PRKCQ: variants seen among roughly 807,000 people sequenced by gnomAD.
PRKCQ encodes the protein protein kinase C theta.
PRKCQ carries 41 observed loss-of-function variants against 91.2 expected under a neutral mutation model. The observed-to-expected ratio is 0.45, with a 90% CI of 0.35 to 0.58. The LOEUF (loss-of-function observed/expected upper bound fraction) is 0.58. Ranked by LOEUF, PRKCQ falls within the 20% of genes least tolerant of loss-of-function variation. PRKCQ has a pLI of 0.00. For synonymous variants in PRKCQ, 307 were observed against 316.9 expected, an observed-to-expected ratio of 0.97 and a Z score of 0.33; for missense variants, 673 against 896.5, an observed-to-expected ratio of 0.75 and a Z score of 3.18.
chr10:6,443,605 T>C (rs1304806112), intron 15 of PRKCQ, among the ~76,000 whole-genome samples: 2 of 152,146 alleles, frequency 1.3e-5, no homozygotes, highest in Non-Finnish European at 2.9e-5. Context: ...CGTAAACACG[T>C]TGAACTCATA....
chr10:6,571,744 C>CA (rs1232491678), intron 1 of PRKCQ, among the ~76,000 whole-genome samples: 1 of 152,158 alleles, frequency 6.6e-6, no homozygotes, highest in African/African-American at 2.4e-5. Context: ...GCAGATGTTG[C>CA]AGTGAGCCGA....
the PRKCQ span, among the ~76,000 whole-genome samples, chr10:6,399,196 C>G: frequency 6.6e-6 from 1 of 152,150 alleles, no homozygotes; most frequent in African/African-American, 2.4e-5. Context: ...CATAGTGTCC[C>G]CACAAGTAAA....
intron 7 of PRKCQ, among the ~76,000 whole-genome samples, chr10:6,493,646 T>C (rs1307901029): frequency 1.3e-5 from 2 of 152,152 alleles, no homozygotes; most frequent in African/African-American, 2.4e-5. Flanking sequence ...GATTCAGAGA[T>C]TTGCGTTTTT....
intron 1 of PRKCQ, among the ~76,000 whole-genome samples, chr10:6,547,237 A>G (rs1839997713): frequency 6.6e-6 from 1 of 152,190 alleles, no homozygotes; most frequent in South Asian, 2.1e-4. Context: ...AAAAGAGGAT[A>G]CAAACAAATG....
At chr10:6,426,138 C>A (rs933679012), downstream of PRKCQ, among the ~76,000 whole-genome samples, 1 of 152,200 alleles carries the variant, frequency 6.6e-6, no homozygotes, top group South Asian at 2.1e-4. Flanking sequence ...GATTTAGAAC[C>A]AGAAAGCGCT....
intron 1 of PRKCQ, among the ~76,000 whole-genome samples, chr10:6,526,597 G>A (rs1030994929): frequency 5.9e-5 from 9 of 152,112 alleles, no homozygotes; most frequent in Non-Finnish European, 1.0e-4. Flanking sequence ...GCAGGTGAAC[G>A]TTCCCGGCCG....
chr10:6,495,609 T>C (rs564909253), intron 7 of PRKCQ, among the ~76,000 whole-genome samples: 2 of 152,370 alleles, frequency 1.3e-5, no homozygotes, highest in Non-Finnish European at 2.9e-5. Context: ...CATAGCTGTT[T>C]ATTATCTGTT....
At chr10:6,431,833 C>T (rs908202100) in intron 16 of PRKCQ, among the ~76,000 whole-genome samples, 11 of 152,170 alleles carry the variant, frequency 7.2e-5, no homozygotes, top group African/African-American at 2.7e-4. Flanking sequence ...AATTCAAGGT[C>T]CATCTAATAA....
chr10:6,404,711 TTC>T, the PRKCQ span, among the ~76,000 whole-genome samples: 28 of 148,358 alleles, frequency 1.9e-4, no homozygotes, highest in African/African-American at 4.5e-4. Context: ...TTTTCTTTCT[TTC>T]TCTCTCTCTC....
intron 1 of PRKCQ, among the ~76,000 whole-genome samples, chr10:6,553,256 G>A (rs1298300538): frequency 2.0e-5 from 3 of 152,018 alleles, no homozygotes; most frequent in South Asian, 2.1e-4. Context: ...ATAGACATAC[G>A]AGGCAGGCAG....
chr10:6,550,946 T>C (rs758619331), intron 1 of PRKCQ, among the ~76,000 whole-genome samples: 2 of 152,218 alleles, frequency 1.3e-5, no homozygotes, highest in Admixed American at 6.5e-5. Context: ...ACTTCTCTAA[T>C]GGGATTATAA....
In PRKCQ at chr10:6,516,642, C is replaced by T. The variant is rs145000135; in HGVS notation, c.-9-1498G>A. On this transcript the variant is annotated intron_variant, in intron 1 of 17. Coordinates refer to ENST00000263125, the MANE Select transcript of PRKCQ (RefSeq NM_006257.5). ...AATCACTAAGAATCATCTTCAGTTACGGGAGTTTTTGCCCTGTTGGGACTT... is the reference window on the plus strand; with the variant it reads ...AATCACTAAGAATCATCTTCAGTTATGGGAGTTTTTGCCCTGTTGGGACTT... Among the ~76,000 whole-genome samples, 265 of 152,248 alleles carry T rather than the reference C, an allele frequency of 1.7e-3. 5 individuals carry two copies. Among genetic ancestry groups the T allele is most frequent in the Admixed American group, 6.7e-3 (103 of 15,296 alleles).
chr10:6,429,795 G>C (rs1833318483), intron 17 of PRKCQ, among the ~76,000 whole-genome samples: 1 of 142,968 alleles, frequency 7.0e-6, no homozygotes, highest in South Asian at 2.4e-4. Flanking sequence ...GAGTGCAGTG[G>C]TGTGAACCCA....
the PRKCQ span, among the ~76,000 whole-genome samples, chr10:6,395,095 CT>C: frequency 7.4e-6 from 1 of 135,240 alleles, no homozygotes; most frequent in Non-Finnish European, 1.5e-5. Context: ...CGGAGTCTCG[CT>C]CTGTCTCCCA....
chr10:6,566,364 C>T (rs1165054708), intron 1 of PRKCQ, among the ~76,000 whole-genome samples: 1 of 152,116 alleles, frequency 6.6e-6, no homozygotes. Flanking sequence ...GAAATGTATC[C>T]ACTTCTTTCC....
intron 3 of PRKCQ, 59 bp from the exon 4 acceptor site, chr10:6,507,555 GAC>G (rs1838260505): frequency 3.6e-6 from 5 of 1,404,096 alleles, no homozygotes; most frequent in Non-Finnish European, 5.1e-6. Context: ...TGAGTTCAAT[GAC>G]ATCACTGGCT....
At chr10:6,481,624 C>A (rs373921303) in intron 11 of PRKCQ, among the ~76,000 whole-genome samples, 1 of 151,690 alleles carries the variant, frequency 6.6e-6, no homozygotes. Context: ...TAAATCCAAA[C>A]CCCAAATGGA....
chr10:6,415,439 TATATATATATATATATAC>T, the PRKCQ span, among the ~76,000 whole-genome samples: 1 of 46,838 alleles, frequency 2.1e-5, no homozygotes, highest in South Asian at 6.7e-4. Flanking sequence ...TATATATATA[TATATATATATATATATAC>T]ACTTACTCAA....
At chr10:6,492,393 T>C (rs1034670539) in intron 7 of PRKCQ, among the ~76,000 whole-genome samples, 2 of 152,210 alleles carry the variant, frequency 1.3e-5, no homozygotes, top group African/African-American at 4.8e-5. Context: ...TTAACAAATA[T>C]GTCACACGCA....
Sources: gnomAD v4.1 joint callset for allele counts (sites outside exome capture counted in the v4.1 genomes callset) on GRCh38, gnomAD v4.1.1 for gene constraint, MANE v1.5 for transcripts, NCBI Gene and HGNC (gene_info 2026-07-23, HGNC 2026-07-21) for gene names.